MYH9: variants seen among roughly 807,000 people sequenced by gnomAD.
MYH9 encodes myosin heavy chain 9, also known as myosin-9.
Under a neutral mutation model 241.9 loss-of-function variants are expected in MYH9, and 29 were observed. The observed-to-expected ratio is 0.12, with a 90% CI of 0.09 to 0.16. The LOEUF (loss-of-function observed/expected upper bound fraction) is 0.16, where lower values mean the gene tolerates loss of function less well. MYH9 is among the 10% of genes least tolerant of loss of function. The probability of loss-of-function intolerance (pLI) is 1.00; values close to 1 mark genes in which losing one functional copy is unlikely to be tolerated. For missense variants in MYH9, 1,803 were observed against 2,595.5 expected (o/e 0.69, Z 6.63); for synonymous variants, 1,047 against 1,062.6 (o/e 0.99, Z 0.29).
rs1276910148 is a variant in MYH9 at position 36,349,089 on chromosome 22, C to T, written c.148G>A (p.Val50Met). 6.2e-7 allele frequency: 1 copy of T among 1,614,252 alleles called. No homozygotes were observed. Among genetic ancestry groups the T allele is most frequent in the Admixed American group, 1.7e-5 (1 of 60,030 alleles). ...GFEPASLKEEVGEEAIVELVE... is the reference protein window; with the variant it reads ...GFEPASLKEEMGEEAIVELVE... The stretch of plus-strand genomic sequence containing the variant: ...AGCTCCACGATGGCCTCTTCGCCCA[C>T]CTCCTCCTTGAGGCTGGCTGGCTCA... Residue 50 changes from valine (V) to methionine (M), a missense_variant, in exon 2 of 41, where the codon GTG (valine) becomes ATG (methionine). Around this residue, in one of 11 missense-constraint regions of MYH9, gnomAD observed 75 missense variants for 79.1 expected, o/e 0.95. Coordinates refer to ENST00000216181, the MANE Select transcript of MYH9 (RefSeq NM_002473.6).
intron 1 of MYH9, among the ~76,000 whole-genome samples, chr22:36,353,777 T>C (rs1455180713): frequency 1.3e-5 from 2 of 150,950 alleles, no homozygotes; most frequent in African/African-American, 4.9e-5. Context: ...CTCTTTCTTT[T>C]CGTGGTCCTT....
chr22:36,288,191 T>A lies in MYH9; in HGVS notation c.4932+61A>T. The A allele has an allele frequency of 1.9e-6, 3 of 1,601,046 alleles. No individual in the cohort carries two copies. Among genetic ancestry groups the A allele is most frequent in the Non-Finnish European group, 2.6e-6 (3 of 1,173,732 alleles). ...CGCCCTGGGCCGAGCCCTGGCACCT[T>A]CATATGTAGTTGGCTCAGTCGGGTG... On this transcript the variant is annotated intron_variant, in intron 34 of 40. Coordinates refer to ENST00000216181, the MANE Select transcript of MYH9 (RefSeq NM_002473.6). This position sits in a 1 kb window ranked among gnomAD's most constrained non-coding sequence, Gnocchi z 4.8.
intron 1 of MYH9, among the ~76,000 whole-genome samples, chr22:36,380,836 C>G (rs1370708025): frequency 6.6e-6 from 1 of 152,164 alleles, no homozygotes; most frequent in Non-Finnish European, 1.5e-5. Flanking sequence ...CAGGACAGGA[C>G]AGCTTATGAT....
At position 36,288,872 on chromosome 22, in the gene MYH9, T is replaced by C. The variant is rs2016636175; in HGVS notation, c.4625A>G (p.Glu1542Gly). Reference sequence around the variant, plus strand: ...GGCCTGCAGCTCGTCCTCCAGCTCTTCCAGCTGCGTCTTCATCTCCTCCAC... The same window carrying C: ...GGCCTGCAGCTCGTCCTCCAGCTCTCCCAGCTGCGTCTTCATCTCCTCCAC... ...QQVEEMKTQLEELEDELQATE... is the reference protein window; with the variant it reads ...QQVEEMKTQLGELEDELQATE... The change falls in exon 33 of 41, where the codon GAA becomes GGA. Residue 1542 changes from glutamate to glycine, a missense_variant. Around this residue, in one of 11 missense-constraint regions of MYH9, gnomAD observed 876 missense variants for 1,077.8 expected, o/e 0.81. Transcript: ENST00000216181. This position sits in a 1 kb window ranked among gnomAD's most constrained non-coding sequence, Gnocchi z 4.8. 6.2e-7 allele frequency: 1 copy of C among 1,613,964 alleles called. No individual in the cohort carries two copies. The highest frequency in any genetic ancestry group is 1.7e-5 in the Admixed American group (1 of 59,998).
rs1439269441 is a variant in MYH9, at chr22:36,364,419, T to G, written c.-19-15164A>C. Among the ~76,000 whole-genome samples, 3 of 152,230 alleles carry G rather than the reference T, an allele frequency of 2.0e-5. No homozygotes were observed. The East Asian group carries it at 5.8e-4, about 29-fold the overall frequency. On this transcript the variant is annotated intron_variant, in intron 1 of 40. Transcript: ENST00000216181. ...TCCAGGGACCAACTCCAGTCAAATC[T>G]GCGTCACCCACTCTTAAGTGCCTGA...
intron 20 of MYH9, chr22:36,302,322 C>A: frequency 2.2e-6 from 1 of 447,280 alleles, no homozygotes; most frequent in Non-Finnish European, 4.1e-6. Context: ...GAAGGTCAGC[C>A]TGGGCAAGAT....
chr22:36,349,402 T>G, intron 1 of MYH9, 147 bp from the exon 2 acceptor site: 1 of 696,530 alleles, frequency 1.4e-6, no homozygotes, highest in Non-Finnish European at 2.4e-6. Context: ...ACTTTCTTGC[T>G]CCACACTTTT....
intron 34 of MYH9, among the ~76,000 whole-genome samples, chr22:36,287,800 C>T (rs1335715204): frequency 1.3e-5 from 2 of 152,166 alleles, no homozygotes; most frequent in African/African-American, 4.8e-5. Flanking sequence ...CATGATATGG[C>T]GTATCAGAGC....
Position 36,358,571 on chromosome 22 carries a change from C to A in MYH9, c.-19-9316G>T, listed in dbSNP as rs939096302. On this transcript the variant is annotated intron_variant, in intron 1 of 40. Coordinates refer to ENST00000216181, the MANE Select transcript of MYH9 (RefSeq NM_002473.6). ...CATCACACCTGAACTCCCCCACCAT[C>A]TCTCCCCAGACCCATACCCTCTTCT... Among the ~76,000 whole-genome samples the A allele has an allele frequency of 6.6e-5, 10 of 152,266 alleles. No individual in the cohort carries two copies. In the East Asian group the frequency reaches 9.6e-4, roughly 15 times the overall value.
In MYH9 at chr22:36,292,082, C is replaced by T. The variant is rs375293824; in HGVS notation, c.4248G>A (p.Thr1416=). Residue 1416 remains threonine, a synonymous_variant, in exon 31 of 41, where the codon ACG becomes ACA. Transcript: ENST00000216181. ...GGTCGTCCAGCTCCTGCTGCAGCCG[C>T]GTCTTGGTCTTCTCCAGCTTGTCGT... ...AAYDKLEKTK[T]RLQQELDDLL... is the part of the protein sequence containing the mutation. 1.4e-5 allele frequency: 23 copies of T among 1,614,208 alleles called. No individual in the cohort carries two copies. Among genetic ancestry groups the T allele is most frequent in the East Asian group, 4.5e-5 (2 of 44,888 alleles).
chr22:36,366,236 C>T (rs866657650), intron 1 of MYH9, among the ~76,000 whole-genome samples: 65 of 152,144 alleles, frequency 4.3e-4, no homozygotes, highest in African/African-American at 1.5e-3. Context: ...ACTCACTTCA[C>T]GACCCACCGA....
rs751458422 is a variant in MYH9, at chr22:36,341,555, G to A, written c.334-29C>T. On this transcript the variant is annotated intron_variant, in intron 2 of 40. Transcript: ENST00000216181. ...AAGAAAAGAGCGGCAGATAGGAACA[G>A]GTTAGGAAGTTTGATTCTCAGTAGT... The A allele has an allele frequency of 4.3e-6, 7 of 1,611,478 alleles. No homozygotes were observed. In the African/African-American group the frequency reaches 6.7e-5, roughly 15 times the overall value.
intron 1 of MYH9, among the ~76,000 whole-genome samples, chr22:36,369,163 G>C (rs1211876779): frequency 6.6e-6 from 1 of 152,162 alleles, no homozygotes; most frequent in Non-Finnish European, 1.5e-5. Flanking sequence ...GATTTTGCCA[G>C]ACTGATCTTC....
In MYH9 at chr22:36,300,084, C is replaced by T. The variant is rs761313444; in HGVS notation, c.2976+43G>A. 20 of 1,604,244 alleles carry T rather than the reference C, an allele frequency of 1.2e-5. No individual in the cohort carries two copies. Among genetic ancestry groups the T allele is most frequent in the East Asian group, 2.2e-5 (1 of 44,882 alleles). ...AAGGGTGACCACACTCTCCCATCCA[C>T]GGCGCCCCTGGAGCAGCGGCAGGCG... On this transcript the variant is annotated intron_variant, in intron 23 of 40. Coordinates refer to ENST00000216181, the MANE Select transcript of MYH9 (RefSeq NM_002473.6). The surrounding 1 kb of genome is among the most constrained non-coding windows in gnomAD (Gnocchi z 5.0).
At chr22:36,311,818 C>T (rs1461294658) in intron 14 of MYH9, among the ~76,000 whole-genome samples, 2 of 152,310 alleles carry the variant, frequency 1.3e-5, no homozygotes, top group African/African-American at 2.4e-5. Flanking sequence ...CTGGGCACCG[C>T]GGTGGAGTGC....
chr22:36,288,351 G>T lies in MYH9; in HGVS notation c.4833C>A (p.Ala1611=), dbSNP rs374641578. The change falls in exon 34 of 41, where the codon GCC becomes GCA. Residue 1611 remains alanine (A), a synonymous_variant. Coordinates refer to ENST00000216181, the MANE Select transcript of MYH9 (RefSeq NM_002473.6). The surrounding 1 kb of genome is among the most constrained non-coding windows in gnomAD (Gnocchi z 4.8). ...TCAGGTCCATCTCCAGCTTCTTCCG[G>T]GCGGCCACTGCCATCGAGCGCTGCT... ...ERKQRSMAVA[A]RKKLEMDLKD... The T allele has an allele frequency of 6.2e-7, 1 of 1,613,912 alleles. No individual in the cohort carries two copies. Among genetic ancestry groups the T allele is most frequent in the South Asian group, 1.1e-5 (1 of 91,078 alleles).
At chr22:36,370,957 AAC>A (rs973174248) in intron 1 of MYH9, among the ~76,000 whole-genome samples, 5 of 152,158 alleles carry the variant, frequency 3.3e-5, no homozygotes, top group Non-Finnish European at 5.9e-5. Flanking sequence ...CTACCCAGAG[AAC>A]ACTAACAGAT....
rs1442023010 is a variant in MYH9 at position 36,302,479 on chromosome 22, C to T, written c.2499+89G>A. ...CCTGGGCGACATGGTGAGACCACAC[C>T]TCTACAAAAAATACAAACAATTAGC... On this transcript the variant is annotated intron_variant, in intron 20 of 40. Coordinates refer to ENST00000216181, the MANE Select transcript of MYH9 (RefSeq NM_002473.6). 11 of 1,185,404 alleles carry T rather than the reference C, an allele frequency of 9.3e-6. No homozygotes were observed. The African/African-American group carries it at 1.5e-4, about 16-fold the overall frequency. 73.4% of individuals were successfully genotyped at this position (1,185,404 alleles called of 1,614,324 possible). A position where few individuals can be genotyped will look rare whatever the true frequency, so the allele number is the denominator to read the frequency against.
intron 35 of MYH9, among the ~76,000 whole-genome samples, 166 bp downstream of exon 35, chr22:36,286,552 G>A (rs368428329): frequency 5.1e-4 from 77 of 152,286 alleles, no homozygotes; most frequent in South Asian, 2.1e-3. Flanking sequence ...AGGGAGCCCC[G>A]CTATGAAACG....
Sources: gnomAD v4.1 joint callset for allele counts (sites outside exome capture counted in the v4.1 genomes callset) on GRCh38, gnomAD v4.1.1 for gene constraint, gnomAD v4.1.1 regional missense constraint, Gnocchi (gnomAD v3.1) non-coding constraint, MANE v1.5 for transcripts, NCBI Gene and HGNC (gene_info 2026-07-23, HGNC 2026-07-21) for gene names.